The following LRP1B variants were observed in gnomAD, a reference collection of about 807,000 sequenced individuals.
LRP1B encodes the protein LDL receptor related protein 1B.
A neutral mutation model predicts 556.6 loss-of-function variants in LRP1B; 217 were observed. The observed-to-expected ratio is 0.39, with a 90% CI of 0.35 to 0.44. The LOEUF (loss-of-function observed/expected upper bound fraction) is 0.44. Ranked by LOEUF, LRP1B falls within the 20% of genes least tolerant of loss-of-function variation. The pLI is 1.00. For missense variants in LRP1B, 5,053 were observed against 5,620.8 expected, an observed-to-expected ratio of 0.90 and a Z score of 3.23; for synonymous variants, 2,047 against 1,865.8, an observed-to-expected ratio of 1.10 and a Z score of -2.50.
rs147565145 is a variant in LRP1B at position 140,684,072 on chromosome 2, A to G, written c.6799+16178T>C. Among the ~76,000 whole-genome samples the G allele has an allele frequency of 2.3e-3, 355 of 152,332 alleles. 2 individuals carry two copies. Among genetic ancestry groups the G allele is most frequent in the African/African-American group, 8.3e-3 (346 of 41,592 alleles). On this transcript the variant is annotated intron_variant, in intron 41 of 90. Coordinates refer to ENST00000389484, the MANE Select transcript of LRP1B (RefSeq NM_018557.3). ...TTTCATTCTGAATATATATTTTAAT[A>G]ATACCAATGAGGATAAATCAGAGAG...
rs781747055 is a variant in LRP1B at position 140,501,766 on chromosome 2, T to C, written c.8771A>G (p.Asn2924Ser). ...ACTCAAACATTCATTTATATGGCAG[T>C]TTCTCTCATCTGAACCATCGCCACA... ...DDCGDGSDERNCHINECLSKK... is the reference protein window; with the variant it reads ...DDCGDGSDERSCHINECLSKK... The change falls in exon 55 of 91, where the codon AAC (asparagine) becomes AGC (serine). Residue 2924 changes from asparagine (N) to serine (S), a missense_variant. Coordinates refer to ENST00000389484, the MANE Select transcript of LRP1B (RefSeq NM_018557.3). 1.2e-6 allele frequency: 2 copies of C among 1,612,904 alleles called. No individual in the cohort carries two copies. The highest frequency in any genetic ancestry group is 1.7e-6 in the Non-Finnish European group (2 of 1,179,212).
chr2:141,149,073 G>A lies in LRP1B; in HGVS notation c.1013+39348C>T, dbSNP rs1051597283. On this transcript the variant is annotated intron_variant, in intron 7 of 90. Transcript: ENST00000389484. ...TCCCCCAGGTGGAGTGCAGTGGTGC[G>A]ATCTCTCAAAAAAAAAAGTGAGGAA... 1.2e-4 allele frequency among the ~76,000 whole-genome samples: 18 copies of A among 151,590 alleles called. No individual in the cohort carries two copies. The South Asian group carries it at 1.2e-3, about 10-fold the overall frequency.
intron 2 of LRP1B, among the ~76,000 whole-genome samples, chr2:141,700,518 T>C (rs1217850747): frequency 6.6e-6 from 1 of 151,788 alleles, no homozygotes; most frequent in East Asian, 1.9e-4. Flanking sequence ...ATGTAACCCA[T>C]AAATTATTAT....
chr2:141,062,263 A>C lies in LRP1B; in HGVS notation c.1024T>G (p.Phe342Val). The C allele has an allele frequency of 6.2e-7, 1 of 1,605,786 alleles. No individual in the cohort carries two copies. Among genetic ancestry groups the C allele is most frequent in the South Asian group, 1.1e-5 (1 of 89,838 alleles). ...AVDPIAGKLF[F>V]TDYGNVAKVE... ...TTGGCGACATTCCCGTAGTCAGTAA[A>C]GAAAAGTTTTCTGTTGAAAGAAAAC... is the stretch of plus-strand genomic sequence containing the variant. The change falls in exon 8 of 91, where the codon TTT becomes GTT. Residue 342 changes from phenylalanine (F) to valine (V), a missense_variant. This residue lies in a region of LRP1B where 3,619 missense variants were observed against 3,931.9 expected (regional missense o/e 0.92). Coordinates refer to ENST00000389484, the MANE Select transcript of LRP1B (RefSeq NM_018557.3).
intron 2 of LRP1B, among the ~76,000 whole-genome samples, chr2:141,612,733 T>G (rs1430322546): frequency 6.6e-6 from 1 of 152,160 alleles, no homozygotes; most frequent in Non-Finnish European, 1.5e-5. Flanking sequence ...CCCAGTAAAT[T>G]CCCTTTCGCC....
chr2:141,104,432 G>A (rs988122723), intron 7 of LRP1B, among the ~76,000 whole-genome samples: 6 of 152,018 alleles, frequency 3.9e-5, no homozygotes, highest in South Asian at 2.1e-4. Context: ...GGAACTATCA[G>A]TGCAATAAAG....
intron 3 of LRP1B, among the ~76,000 whole-genome samples, chr2:141,323,591 C>T (rs9917156): frequency 6.6e-6 from 1 of 151,948 alleles, no homozygotes; most frequent in Non-Finnish European, 1.5e-5. Context: ...GCAGGAAATC[C>T]TGAAAACCTT....
chr2:140,606,673 G>T (rs866190697), intron 41 of LRP1B, among the ~76,000 whole-genome samples: 21 of 152,036 alleles, frequency 1.4e-4, no homozygotes, highest in African/African-American at 4.3e-4. Context: ...ACATGTACCA[G>T]AAAAGTCCAA....
intron 44 of LRP1B, 105 bp from the exon 45 acceptor site, chr2:140,541,203 A>C: frequency 1.1e-6 from 1 of 949,328 alleles, no homozygotes; most frequent in Non-Finnish European, 1.6e-6. Context: ...TCTCAATAAT[A>C]TGTCATTAAA....
At chr2:140,548,771 A>G (rs180821132) in intron 43 of LRP1B, among the ~76,000 whole-genome samples, 21 of 151,990 alleles carry the variant, frequency 1.4e-4, no homozygotes, top group Non-Finnish European at 1.5e-5. Context: ...TAATAACACA[A>G]AAAATTAGCC....
Position 140,942,827 on chromosome 2 carries a change from A to G in LRP1B, c.3136+7408T>C, listed in dbSNP as rs545974676. Reference sequence around the variant, plus strand: ...ATAAAAGAATAATACTTGCCACTACAAAAAGACATGTATATAGCCCACAGG... The same window carrying G: ...ATAAAAGAATAATACTTGCCACTACGAAAAGACATGTATATAGCCCACAGG... On this transcript the variant is annotated intron_variant, in intron 20 of 90. Coordinates refer to ENST00000389484, the MANE Select transcript of LRP1B (RefSeq NM_018557.3). 1.5e-4 allele frequency among the ~76,000 whole-genome samples: 23 copies of G among 152,254 alleles called. No individual in the cohort carries two copies. In the South Asian group the frequency reaches 4.8e-3, roughly 32 times the overall value.
At chr2:140,930,284 G>A (rs530785886) in intron 20 of LRP1B, among the ~76,000 whole-genome samples, 62 of 152,020 alleles carry the variant, frequency 4.1e-4, no homozygotes, top group African/African-American at 1.5e-3. Context: ...TTTTTGCCCC[G>A]AAGCTATTTA....
chr2:141,904,811 G>T (rs191564240), intron 1 of LRP1B, among the ~76,000 whole-genome samples: 1 of 151,992 alleles, frequency 6.6e-6, no homozygotes, highest in East Asian at 1.9e-4. Flanking sequence ...GTCATGTCAT[G>T]GAAGTTTAAA....
intron 3 of LRP1B, among the ~76,000 whole-genome samples, chr2:141,275,054 G>A (rs1179673556): frequency 2.0e-5 from 3 of 152,096 alleles, no homozygotes; most frequent in East Asian, 1.9e-4. Flanking sequence ...GAAGACAGAA[G>A]AGCCTACACA....
intron 35 of LRP1B, among the ~76,000 whole-genome samples, chr2:140,739,160 T>A (rs1688051085): frequency 6.6e-6 from 1 of 152,168 alleles, no homozygotes; most frequent in Admixed American, 6.5e-5. Context: ...GTAATCTCAA[T>A]AAACTAAGCT....
chr2:140,446,506 T>C (rs1389659232), intron 63 of LRP1B, among the ~76,000 whole-genome samples: 1 of 152,130 alleles, frequency 6.6e-6, no homozygotes, highest in Admixed American at 6.6e-5. Flanking sequence ...CATCTCTTAT[T>C]GTCTGCAGGT....
intron 3 of LRP1B, among the ~76,000 whole-genome samples, chr2:141,381,125 A>G (rs1182481903): frequency 1.3e-5 from 2 of 152,160 alleles, no homozygotes; most frequent in Non-Finnish European, 2.9e-5. Context: ...CCTATAGATA[A>G]CAAAAAATAA....
At chr2:141,075,599 T>G (rs1699766107) in intron 7 of LRP1B, among the ~76,000 whole-genome samples, 1 of 152,162 alleles carries the variant, frequency 6.6e-6, no homozygotes. Context: ...TGTAATATAT[T>G]AGAATTCAAA....
chr2:141,422,973 G>A (rs1680194950), intron 3 of LRP1B, among the ~76,000 whole-genome samples: 1 of 152,148 alleles, frequency 6.6e-6, no homozygotes, highest in African/African-American at 2.4e-5. Flanking sequence ...AAAAAAGTCA[G>A]TTGAAAGTCA....
Sources: allele counts gnomAD v4.1 joint callset (sites outside exome capture counted in the v4.1 genomes callset), GRCh38; gene constraint gnomAD v4.1.1; regional missense constraint gnomAD v4.1.1; transcripts MANE v1.5; gene names NCBI Gene and HGNC (gene_info 2026-07-23, HGNC 2026-07-21).